OGDH: variants seen among roughly 807,000 people sequenced by gnomAD.
OGDH encodes 2-oxoglutarate dehydrogenase complex component E1.
Under a neutral mutation model 116.6 loss-of-function variants are expected in OGDH, and 38 were observed. That is an observed-to-expected ratio of 0.33 (90% confidence interval 0.25 to 0.43). The LOEUF (loss-of-function observed/expected upper bound fraction) is 0.43, where lower values mean the gene tolerates loss of function less well. OGDH is among the 20% of genes least tolerant of loss of function. The pLI is 1.00. For synonymous variants in OGDH, 488 were observed against 533.3 expected, an observed-to-expected ratio of 0.92 and a Z score of 1.17; for missense variants, 825 against 1,357.2, an observed-to-expected ratio of 0.61 and a Z score of 6.16.
chr7:44,705,804 T>C (rs1285716161), intron 20 of OGDH, among the ~76,000 whole-genome samples: 2 of 152,346 alleles, frequency 1.3e-5, no homozygotes, highest in South Asian at 4.1e-4. Context: ...GTTACGTGCA[T>C]ATGATGCGTA....
At chr7:44,683,839 G>C (rs1192121172) in intron 10 of OGDH, among the ~76,000 whole-genome samples, 1 of 152,060 alleles carries the variant, frequency 6.6e-6, no homozygotes, top group East Asian at 1.9e-4. Flanking sequence ...CGTAGCTAAG[G>C]GTTCCCCTCA....
At position 44,666,696 on chromosome 7, in the gene OGDH, C is replaced by T. The variant is rs773935472; in HGVS notation, c.518-40C>T. On this transcript the variant is annotated intron_variant, in intron 4 of 22. Transcript: ENST00000222673. ...TGGTCCCTGCATGGCTGTGCCCCAT[C>T]CCTCCTCATCTGGCTTGTCCTGCCC... 2.5e-6 allele frequency: 3 copies of T among 1,216,214 alleles called. No homozygotes were observed. The African/African-American group carries it at 4.6e-5, about 19-fold the overall frequency. The allele number at this position is 1,216,214 out of a possible 1,614,324, so 75.3% of individuals were successfully genotyped here. A position where few individuals can be genotyped will look rare whatever the true frequency, so the allele number is the denominator to read the frequency against.
At chr7:44,607,229 C>G (rs1784389696) in intron 1 of OGDH, among the ~76,000 whole-genome samples, 1 of 152,258 alleles carries the variant, frequency 6.6e-6, no homozygotes, top group Non-Finnish European at 1.5e-5. Flanking sequence ...GCGCCGCCCC[C>G]ACACCTGCTG....
rs761891336 is a variant in OGDH at position 44,675,238 on chromosome 7, A to G, written c.996A>G (p.Gln332=). The change falls in exon 8 of 23, where the codon CAA becomes CAG. Residue 332 remains glutamine, a synonymous_variant. Transcript: ENST00000222673. ...AGGAGCTGGAACAGATCTTCTGTCA[A>G]TTCGATTCAAAGCTGGAGGCAGCTG... ...IRKELEQIFC[Q]FDSKLEAADE... is the part of the protein sequence containing the mutation. The G allele has an allele frequency of 1.9e-6, 3 of 1,614,172 alleles. No individual in the cohort carries two copies. In the Admixed American group the frequency reaches 5.0e-5, roughly 27 times the overall value.
At chr7:44,627,572 TG>T (rs989972865) in intron 2 of OGDH, among the ~76,000 whole-genome samples, 1 of 152,238 alleles carries the variant, frequency 6.6e-6, no homozygotes, top group Admixed American at 6.5e-5. Context: ...AGAGAGCTTA[TG>T]GGGGGCTGCA....
rs1162664411 is a variant in OGDH at position 44,708,239 on chromosome 7, G to A, written c.*240G>A. 4 of 489,738 alleles carry A rather than the reference G, an allele frequency of 8.2e-6. No homozygotes were observed. Among genetic ancestry groups the A allele is most frequent in the Non-Finnish European group, 1.4e-5 (4 of 278,716 alleles). The allele number at this position is 489,738 out of a possible 1,614,324, so 30.3% of individuals were successfully genotyped here. On this transcript the variant is annotated 3_prime_UTR_variant, in exon 23 of 23. Coordinates refer to ENST00000222673, the MANE Select transcript of OGDH (RefSeq NM_002541.4). ...TGAGCAGTTTTCCAGGAGGCCGGGG[G>A]GAGCAGGAGGAGGAAAGGTAGCCCC...
chr7:44,688,454 G>A (rs1379697435), intron 10 of OGDH, among the ~76,000 whole-genome samples: 2 of 128,554 alleles, frequency 1.6e-5, no homozygotes, highest in Non-Finnish European at 3.2e-5. Flanking sequence ...TTTTTGAGAC[G>A]GAGTCTCGCT....
chr7:44,681,587 C>T, intron 9 of OGDH, 133 bp from the exon 10 acceptor site: 1 of 1,278,640 alleles, frequency 7.8e-7, no homozygotes, highest in East Asian at 2.3e-5. Context: ...TGTGGACTTT[C>T]CTGCTACTTT....
chr7:44,610,849 G>A (rs201084587), intron 1 of OGDH, among the ~76,000 whole-genome samples: 2 of 146,416 alleles, frequency 1.4e-5, no homozygotes, highest in Admixed American at 6.8e-5. Flanking sequence ...CCTCGTGATC[G>A]ACACCCCCTT....
At chr7:44,672,766 C>T (rs1048116236) in intron 5 of OGDH, among the ~76,000 whole-genome samples, 3 of 151,876 alleles carry the variant, frequency 2.0e-5, no homozygotes, top group Admixed American at 2.0e-4. Context: ...CGTCAGCCTC[C>T]TGAGTGGCTG....
intron 10 of OGDH, among the ~76,000 whole-genome samples, chr7:44,683,495 C>T (rs1480288250): frequency 6.6e-6 from 1 of 152,118 alleles, no homozygotes; most frequent in Non-Finnish European, 1.5e-5. Flanking sequence ...TCTCCCAAAG[C>T]ACTGGGATTG....
intron 12 of OGDH, among the ~76,000 whole-genome samples, chr7:44,695,213 A>C (rs770025052): frequency 1.3e-5 from 2 of 152,042 alleles, no homozygotes; most frequent in African/African-American, 2.4e-5. Flanking sequence ...TTCATGTCTC[A>C]GCGTCCCAAG....
At chr7:44,637,610 A>C (rs779569386) in intron 2 of OGDH, among the ~76,000 whole-genome samples, 1 of 151,824 alleles carries the variant, frequency 6.6e-6, no homozygotes, top group Non-Finnish European at 1.5e-5. Context: ...CAGGAGTTTG[A>C]GACCAGCCTG....
At chr7:44,686,774 C>T (rs535784615) in intron 10 of OGDH, among the ~76,000 whole-genome samples, 11 of 151,148 alleles carry the variant, frequency 7.3e-5, no homozygotes, top group Middle Eastern at 6.8e-3. Flanking sequence ...CTGTAGCCTC[C>T]ACCTCCTGGG....
At chr7:44,670,827 A>G (rs1416947963) in intron 5 of OGDH, among the ~76,000 whole-genome samples, 10 of 151,576 alleles carry the variant, frequency 6.6e-5, no homozygotes, top group Admixed American at 3.3e-4. Context: ...TAGCTAACAC[A>G]GTGAAACCCC....
chr7:44,694,206 T>C lies in OGDH; in HGVS notation c.1515+202T>C, dbSNP rs1788483974. On this transcript the variant is annotated intron_variant, in intron 11 of 22. Transcript: ENST00000222673. The surrounding 1 kb of genome is among the most constrained non-coding windows in gnomAD (Gnocchi z 4.2). Reference sequence around the variant, plus strand: ...CAAGGAATGCTTCCCAGGCAGGAGCTGTGGTGGTGAGGAGGGCCACTCCTC... The same window carrying C: ...CAAGGAATGCTTCCCAGGCAGGAGCCGTGGTGGTGAGGAGGGCCACTCCTC... 6.6e-6 allele frequency among the ~76,000 whole-genome samples: 1 copy of C among 152,078 alleles called. No individual in the cohort carries two copies. Among genetic ancestry groups the C allele is most frequent in the African/African-American group, 2.4e-5 (1 of 41,426 alleles).
chr7:44,681,537 A>G (rs986046334), intron 9 of OGDH, among the ~76,000 whole-genome samples, 183 bp from the exon 10 acceptor site: 1 of 152,190 alleles, frequency 6.6e-6, no homozygotes, highest in Non-Finnish European at 1.5e-5. Context: ...GGTGTTGAGC[A>G]GATATACCAA....
At chr7:44,702,320 C>G (rs1433367388) in intron 20 of OGDH, among the ~76,000 whole-genome samples, 1 of 152,174 alleles carries the variant, frequency 6.6e-6, no homozygotes. Flanking sequence ...AAAGCAAGCC[C>G]TTCAGGACAG....
intron 1 of OGDH, among the ~76,000 whole-genome samples, chr7:44,615,766 T>C (rs999431634): frequency 2.0e-5 from 3 of 152,140 alleles, no homozygotes; most frequent in Non-Finnish European, 2.9e-5. Flanking sequence ...CGGCTGGGTG[T>C]GGTGGCTCAT....
Sources: allele counts gnomAD v4.1 joint callset (sites outside exome capture counted in the v4.1 genomes callset), GRCh38; gene constraint gnomAD v4.1.1; non-coding constraint Gnocchi (gnomAD v3.1); transcripts MANE v1.5; gene names NCBI Gene and HGNC (gene_info 2026-07-23, HGNC 2026-07-21).